Variants in ZNF407 observed in about 807,000 individuals in gnomAD.
ZNF407 encodes the protein zinc finger protein 407.
ZNF407 carries 17 observed loss-of-function variants against 131.2 expected under a neutral mutation model. The observed-to-expected ratio is 0.13, with a 90% CI of 0.09 to 0.19. The LOEUF is 0.19. Among genes scored for constraint, ZNF407 ranks in the 10% least tolerant of loss-of-function variants. The pLI, the probability that ZNF407 is intolerant of heterozygous loss-of-function variation, is 1.00. For synonymous variants in ZNF407, 1,156 were observed against 1,062.0 expected, an observed-to-expected ratio of 1.09 and a Z score of -1.72; for missense variants, 2,681 against 2,830.6, an observed-to-expected ratio of 0.95 and a Z score of 1.20.
intron 8 of ZNF407, among the ~76,000 whole-genome samples, chr18:74,950,647 G>A (rs544484562): frequency 4.6e-5 from 7 of 152,274 alleles, no homozygotes; most frequent in East Asian, 3.9e-4. Context: ...AAATCATTAC[G>A]ATAACATTGC....
intron 3 of ZNF407, among the ~76,000 whole-genome samples, chr18:74,652,360 T>C (rs372661316): frequency 6.6e-6 from 1 of 152,080 alleles, no homozygotes; most frequent in Non-Finnish European, 1.5e-5. Flanking sequence ...AGGGTTTTTA[T>C]TCATCGAGCA....
At chr18:74,713,896 A>G (rs1298454240) in intron 3 of ZNF407, among the ~76,000 whole-genome samples, 2 of 152,190 alleles carry the variant, frequency 1.3e-5, no homozygotes, top group Non-Finnish European at 2.9e-5. Flanking sequence ...TTGGCATAAT[A>G]TGGCAGAACT....
chr18:74,828,867 T>C (rs1568233047), intron 4 of ZNF407, among the ~76,000 whole-genome samples: 1 of 152,238 alleles, frequency 6.6e-6, no homozygotes. Context: ...TGGATTATGA[T>C]GATGAAATGA....
At chr18:74,624,979 G>T (rs1983723542) in intron 1 of ZNF407, among the ~76,000 whole-genome samples, 1 of 152,226 alleles carries the variant, frequency 6.6e-6, no homozygotes, top group Non-Finnish European at 1.5e-5. Flanking sequence ...ACATGATCAT[G>T]TATGGCCTTG....
At chr18:74,804,134 A>G in intron 4 of ZNF407, 1 of 1,489,850 alleles carries the variant, frequency 6.7e-7, no homozygotes. Context: ...GACATATTTC[A>G]TTGTCTTTTT....
intron 7 of ZNF407, among the ~76,000 whole-genome samples, chr18:74,918,585 T>C (rs149830230): frequency 3.3e-4 from 51 of 152,342 alleles, no homozygotes; most frequent in Admixed American, 7.8e-4. Context: ...CTTGTGTGCA[T>C]ACATTCACTG....
chr18:74,678,685 G>A (rs148844937), intron 3 of ZNF407, among the ~76,000 whole-genome samples: 2 of 152,262 alleles, frequency 1.3e-5, no homozygotes, highest in African/African-American at 2.4e-5. Flanking sequence ...TCCTCAGCAC[G>A]AGGGTTGGTC....
chr18:74,608,512 A>G (rs1044712895), intron 1 of ZNF407, among the ~76,000 whole-genome samples: 1 of 151,836 alleles, frequency 6.6e-6, no homozygotes, highest in Non-Finnish European at 1.5e-5. Context: ...ACATCCGGCT[A>G]ATTTTTGTGT....
In ZNF407 at chr18:74,647,677, A is replaced by G. The variant is rs77268453; in HGVS notation, c.4802+6555A>G. Among the ~76,000 whole-genome samples, 85 of 152,314 alleles carry G rather than the reference A, an allele frequency of 5.6e-4. No homozygotes were observed. In the East Asian group the frequency reaches 0.013, roughly 24 times the overall value. On this transcript the variant is annotated intron_variant, in intron 3 of 8. Transcript: ENST00000299687. ...AGGAGGTATGAGAAATGCAGATAGA[A>G]GGGAGGCATAACTGCTGATTTATTA...
chr18:74,679,614 A>T (rs192918271), intron 3 of ZNF407, among the ~76,000 whole-genome samples: 43 of 152,332 alleles, frequency 2.8e-4, no homozygotes, highest in Admixed American at 2.5e-3. Context: ...TTTTTGCTAG[A>T]TTAGGAATTT....
chr18:74,677,094 C>T (rs1568161934), intron 3 of ZNF407, among the ~76,000 whole-genome samples: 3 of 152,006 alleles, frequency 2.0e-5, no homozygotes, highest in Non-Finnish European at 4.4e-5. Flanking sequence ...TTACTTTCTT[C>T]TATTTTTCTT....
At chr18:74,955,957 T>C (rs1461011773) in intron 8 of ZNF407, among the ~76,000 whole-genome samples, 6 of 152,242 alleles carry the variant, frequency 3.9e-5, no homozygotes, top group African/African-American at 1.4e-4. Context: ...CAGAAAGCTC[T>C]AACTTAAGGA....
At chr18:74,640,436 T>A (rs1335805102) in intron 2 of ZNF407, among the ~76,000 whole-genome samples, 2 of 152,140 alleles carry the variant, frequency 1.3e-5, no homozygotes, top group East Asian at 3.9e-4. Context: ...CATAAAAATT[T>A]ATCTACTGTA....
chr18:75,002,002 T>A (rs929259924), intron 8 of ZNF407, among the ~76,000 whole-genome samples: 7 of 152,070 alleles, frequency 4.6e-5, no homozygotes, highest in African/African-American at 1.7e-4. Flanking sequence ...AGTCACCCAG[T>A]CCAGAATGTC....
At chr18:74,951,799 T>C (rs1972217311) in intron 8 of ZNF407, among the ~76,000 whole-genome samples, 2 of 151,944 alleles carry the variant, frequency 1.3e-5, no homozygotes, top group East Asian at 1.9e-4. Flanking sequence ...AAAAGTAAAA[T>C]AAGATAATTT....
At chr18:75,013,388 T>C (rs1457210733) in intron 8 of ZNF407, among the ~76,000 whole-genome samples, 1 of 152,114 alleles carries the variant, frequency 6.6e-6, no homozygotes, top group Non-Finnish European at 1.5e-5. Context: ...CAAAATCAAA[T>C]GGCAGCAAAG....
At chr18:74,683,147 C>G (rs1010165472) in intron 3 of ZNF407, among the ~76,000 whole-genome samples, 1 of 152,052 alleles carries the variant, frequency 6.6e-6, no homozygotes. Context: ...TAGCATATAA[C>G]AAATCACTGG....
intron 4 of ZNF407, among the ~76,000 whole-genome samples, chr18:74,822,346 A>G (rs572468467): frequency 1.9e-3 from 283 of 152,268 alleles, no homozygotes; most frequent in Non-Finnish European, 3.3e-3. Flanking sequence ...GCCCATGCCT[A>G]TGTCCTGAAT....
rs541265582 is a variant in ZNF407, at chr18:74,822,043, A to G, written c.4877+40541A>G. Among the ~76,000 whole-genome samples the G allele has an allele frequency of 1.1e-4, 16 of 151,896 alleles. No individual in the cohort carries two copies. In the South Asian group the frequency reaches 2.5e-3, roughly 24 times the overall value. ...ACCAGTGAGGATGAGCTTTTTTTTC[A>G]TATGTTTGTTGGCTGCATAAATGTC... is the stretch of plus-strand genomic sequence containing the variant. On this transcript the variant is annotated intron_variant, in intron 4 of 8. Coordinates refer to ENST00000299687, the MANE Select transcript of ZNF407 (RefSeq NM_017757.3).
Sources: allele counts gnomAD v4.1 joint callset (sites outside exome capture counted in the v4.1 genomes callset), GRCh38; gene constraint gnomAD v4.1.1; transcripts MANE v1.5; gene names NCBI Gene and HGNC (gene_info 2026-07-23, HGNC 2026-07-21).